The following RASGRF2 variants were observed in gnomAD, a reference collection of about 807,000 sequenced individuals.
The protein encoded by RASGRF2 is ras-specific guanine nucleotide-releasing factor 2.
A neutral mutation model predicts 151.0 loss-of-function variants in RASGRF2; 76 were observed. That is an observed-to-expected ratio of 0.50 (90% CI 0.42 to 0.61). The LOEUF (loss-of-function observed/expected upper bound fraction) is 0.61, where lower values mean the gene tolerates loss of function less well. RASGRF2 is among the 20% of genes least tolerant of loss of function. The probability of loss-of-function intolerance (pLI) is 0.00; values close to 1 mark genes in which losing one functional copy is unlikely to be tolerated. For synonymous variants in RASGRF2, 504 were observed against 566.5 expected (o/e 0.89, Z 1.57); for missense variants, 1,148 against 1,564.6 (o/e 0.73, Z 4.49).
intron 17 of RASGRF2, 87 bp downstream of exon 17, chr5:81,127,250 C>T (rs547713663): frequency 1.3e-5 from 17 of 1,296,340 alleles, no homozygotes; most frequent in African/African-American, 5.9e-5. Flanking sequence ...ATGAGACACT[C>T]GGCAGCTCTC....
chr5:81,113,928 C>G lies in RASGRF2; in HGVS notation c.2470+8C>G, dbSNP rs372053253. On this transcript the variant is annotated splice_region_variant and intron_variant, in intron 15 of 26. Coordinates refer to ENST00000265080, the MANE Select transcript of RASGRF2 (RefSeq NM_006909.3). ...AACGAAGTATTCAAAAAGGTATTAT[C>G]TAGCACATTTGCATAATTACACCCC... 4 of 1,605,972 alleles carry G rather than the reference C, an allele frequency of 2.5e-6. No homozygotes were observed. Among genetic ancestry groups the G allele is most frequent in the Admixed American group, 1.7e-5 (1 of 59,430 alleles).
intron 1 of RASGRF2, among the ~76,000 whole-genome samples, chr5:80,991,226 A>T (rs778584069): frequency 4.6e-5 from 7 of 152,146 alleles, no homozygotes; most frequent in Non-Finnish European, 1.0e-4. Flanking sequence ...TGGGAGGCCA[A>T]GGCAGGCAGA....
intron 17 of RASGRF2, among the ~76,000 whole-genome samples, chr5:81,145,837 A>G (rs1753993146): frequency 6.6e-6 from 1 of 152,226 alleles, no homozygotes; most frequent in Non-Finnish European, 1.5e-5. Flanking sequence ...CTGTGAGATA[A>G]TAAGTGTTTG....
intron 8 of RASGRF2, among the ~76,000 whole-genome samples, chr5:81,086,213 A>T (rs1752225048): frequency 6.6e-6 from 1 of 152,084 alleles, no homozygotes; most frequent in African/African-American, 2.4e-5. Context: ...TAAAAAAAAA[A>T]TGATAGCCAG....
intron 1 of RASGRF2, among the ~76,000 whole-genome samples, chr5:80,999,200 GA>G: frequency 6.6e-6 from 1 of 152,272 alleles, no homozygotes; most frequent in African/African-American, 2.4e-5. Flanking sequence ...TAAGATGGAA[GA>G]ACCAAGAGGG....
At chr5:81,137,942 G>C (rs1753792235) in intron 17 of RASGRF2, among the ~76,000 whole-genome samples, 1 of 152,198 alleles carries the variant, frequency 6.6e-6, no homozygotes, top group Admixed American at 6.5e-5. Flanking sequence ...GAGAATGATA[G>C]GCCTTGAAGT....
intron 14 of RASGRF2, among the ~76,000 whole-genome samples, chr5:81,113,203 G>A (rs1176437731): frequency 6.6e-6 from 1 of 151,702 alleles, no homozygotes; most frequent in Non-Finnish European, 1.5e-5. Flanking sequence ...TCAGTTGCGT[G>A]TGGTGTGGGG....
intron 22 of RASGRF2, among the ~76,000 whole-genome samples, chr5:81,209,113 G>C (rs1755576711): frequency 6.6e-6 from 1 of 152,062 alleles, no homozygotes; most frequent in South Asian, 2.1e-4. Flanking sequence ...AGGCTGGGTT[G>C]GTGCAAGTCC....
chr5:81,186,837 G>A (rs1032026801), intron 18 of RASGRF2, among the ~76,000 whole-genome samples: 3 of 152,184 alleles, frequency 2.0e-5, no homozygotes, highest in African/African-American at 7.2e-5. Flanking sequence ...TGTTGGAGGT[G>A]TGAAGTTAGG....
At chr5:81,065,194 A>G (rs1751564489) in intron 2 of RASGRF2, among the ~76,000 whole-genome samples, 1 of 152,226 alleles carries the variant, frequency 6.6e-6, no homozygotes, top group African/African-American at 2.4e-5. Context: ...CTCCTAATCC[A>G]CAGAAACTAT....
intron 17 of RASGRF2, among the ~76,000 whole-genome samples, chr5:81,155,152 G>A (rs1337489667): frequency 1.3e-5 from 2 of 152,150 alleles, no homozygotes; most frequent in Non-Finnish European, 2.9e-5. Context: ...ATGGGATTCA[G>A]TTAAGTAGTG....
intron 5 of RASGRF2, among the ~76,000 whole-genome samples, chr5:81,078,309 C>T (rs1157624229): frequency 6.6e-6 from 1 of 152,102 alleles, no homozygotes; most frequent in Non-Finnish European, 1.5e-5. Context: ...CTATAGCTGC[C>T]CTATTGTGCT....
Position 81,230,085 on chromosome 5 carries a change from G to C in RASGRF2, c.*4315G>C, listed in dbSNP as rs929705216. Reference sequence around the variant, plus strand: ...TTTGTGATTGGACAGAGGGGTTTGTGCTGTGGCCTAACACTTGCCAAGTGA... The same window carrying C: ...TTTGTGATTGGACAGAGGGGTTTGTCCTGTGGCCTAACACTTGCCAAGTGA... On this transcript the variant is annotated 3_prime_UTR_variant, in exon 27 of 27. Coordinates refer to ENST00000265080, the MANE Select transcript of RASGRF2 (RefSeq NM_006909.3). 2 of 152,210 alleles carry C rather than the reference G, an allele frequency of 1.3e-5. No homozygotes were observed. The highest frequency in any genetic ancestry group is 2.9e-5 in the Non-Finnish European group (2 of 68,034). The allele number at this position is 152,210 out of a possible 1,614,324, so 9.4% of individuals were successfully genotyped here.
chr5:81,096,607 T>C (rs938678985), intron 12 of RASGRF2: 1 of 152,184 alleles, frequency 6.6e-6, no homozygotes, highest in East Asian at 1.9e-4. Flanking sequence ...CCTTATGATA[T>C]AATTAGGGCT....
chr5:81,154,383 G>A (rs1374244036), intron 17 of RASGRF2, among the ~76,000 whole-genome samples: 1 of 152,074 alleles, frequency 6.6e-6, no homozygotes, highest in Non-Finnish European at 1.5e-5. Context: ...TAGGACTACT[G>A]GACTGACTAA....
chr5:81,000,865 G>T (rs1199959223), intron 1 of RASGRF2, among the ~76,000 whole-genome samples: 1 of 152,218 alleles, frequency 6.6e-6, no homozygotes, highest in Admixed American at 6.5e-5. Context: ...TGCGTAACTG[G>T]ACATAGCAGC....
intron 18 of RASGRF2, among the ~76,000 whole-genome samples, chr5:81,182,326 C>G (rs1754934214): frequency 6.6e-6 from 1 of 152,186 alleles, no homozygotes; most frequent in Admixed American, 6.5e-5. Context: ...TCCTTACCTC[C>G]CCTGCATGCA....
intron 2 of RASGRF2, among the ~76,000 whole-genome samples, chr5:81,065,973 C>T (rs1751588539): frequency 6.6e-6 from 1 of 152,120 alleles, no homozygotes; most frequent in Admixed American, 6.5e-5. Flanking sequence ...TGAAGTCAGC[C>T]TTGCATTCCA....
At chr5:80,963,913 G>GT (rs1241567896) in intron 1 of RASGRF2, among the ~76,000 whole-genome samples, 1 of 151,724 alleles carries the variant, frequency 6.6e-6, no homozygotes, top group Non-Finnish European at 1.5e-5. Flanking sequence ...GTGTTTTTAG[G>GT]TAAGTTACAA....
Sources: allele counts gnomAD v4.1 joint callset (sites outside exome capture counted in the v4.1 genomes callset), GRCh38; gene constraint gnomAD v4.1.1; transcripts MANE v1.5; gene names NCBI Gene and HGNC (gene_info 2026-07-23, HGNC 2026-07-21).